The following ADAMTS1 variants were observed in gnomAD, a reference collection of about 807,000 sequenced individuals.
ADAMTS1 encodes the protein A disintegrin and metalloproteinase with thrombospondin motifs 1.
In ADAMTS1, 19 loss-of-function variants were observed where a neutral mutation model predicts 87.9. The ratio of observed to expected loss-of-function variants is 0.22; its 90% confidence interval spans 0.15 to 0.32. The LOEUF (loss-of-function observed/expected upper bound fraction) is 0.32, where lower values mean the gene tolerates loss of function less well. Among genes scored for constraint, ADAMTS1 ranks in the 10% least tolerant of loss-of-function variants. The probability of loss-of-function intolerance (pLI) is 1.00; values close to 1 mark genes in which losing one functional copy is unlikely to be tolerated. For synonymous variants in ADAMTS1, 542 were observed against 501.8 expected (o/e 1.08, Z -1.07); for missense variants, 1,240 against 1,259.1 (o/e 0.98, Z 0.23).
rs138109740 is a variant in ADAMTS1, at chr21:26,840,002, G to A, written c.1725C>T (p.Cys575=). The change falls in exon 6 of 9, where the codon TGC becomes TGT. Residue 575 remains cysteine (C), a synonymous_variant. Coordinates refer to ENST00000284984, the MANE Select transcript of ADAMTS1 (RefSeq NM_006988.5). Reference sequence around the variant, plus strand: ...TCATCGTGTACTGGACTCCTCCACCGCACGTTCTCGAACAGTCTCCCCAAG... The same window carrying A: ...TCATCGTGTACTGGACTCCTCCACCACACGTTCTCGAACAGTCTCCCCAAG... ...WGPWGDCSRT[C]GGGVQYTMRE... 2.9e-5 allele frequency: 46 copies of A among 1,613,764 alleles called. No individual in the cohort carries two copies. The highest frequency in any genetic ancestry group is 1.6e-4 in the Middle Eastern group (1 of 6,084).
At chr21:26,840,615 G>A in intron 4 of ADAMTS1, 53 bp from the exon 5 acceptor site, 2 of 1,553,578 alleles carry the variant, frequency 1.3e-6, no homozygotes, top group Non-Finnish European at 1.7e-6. Flanking sequence ...GGGCATGAAG[G>A]GGTAGATCCC....
rs771153194 is a variant in ADAMTS1 at position 26,840,498 on chromosome 21, C to T, written c.1443G>A (p.Ser481=). 68 of 1,614,070 alleles carry T rather than the reference C, an allele frequency of 4.2e-5. No homozygotes were observed. The highest frequency in any genetic ancestry group is 1.6e-4 in the Middle Eastern group (1 of 6,084). Residue 481 remains serine (S), a synonymous_variant, in exon 5 of 9, where the codon TCG becomes TCA. Coordinates refer to ENST00000284984, the MANE Select transcript of ADAMTS1 (RefSeq NM_006988.5). ...ACTGGCACTGCCGGTTGGCATCGTA[C>T]GAGGTGCCAGGGAGATCGCCTGGGA... is the stretch of plus-strand genomic sequence containing the variant. The part of the protein sequence containing the change: ...IQLPGDLPGT[S]YDANRQCQFT...
intron 3 of ADAMTS1, 36 bp downstream of exon 3, chr21:26,841,822 G>A: frequency 6.3e-7 from 1 of 1,594,984 alleles, no homozygotes; most frequent in Non-Finnish European, 8.5e-7. Flanking sequence ...TTACATTTCT[G>A]AATTGAGCTT....
At chr21:26,843,913 T>C in intron 1 of ADAMTS1, 1 of 503,162 alleles carries the variant, frequency 2.0e-6, no homozygotes, top group Non-Finnish European at 3.7e-6. Flanking sequence ...TCGCACAAGC[T>C]CCAACTCGCT....
Position 26,837,439 on chromosome 21 carries a change from C to A in ADAMTS1, c.*140G>T. 1 of 699,708 alleles carries A rather than the reference C, an allele frequency of 1.4e-6. No individual in the cohort carries two copies. Among genetic ancestry groups the A allele is most frequent in the South Asian group, 1.9e-5 (1 of 51,972 alleles). 43.3% of individuals were successfully genotyped at this position (699,708 alleles called of 1,614,324 possible). ...TCTGATGATTCAACTCCTTTTCTAT[C>A]TACCCCCATAATCCCACCTTACTGA... is the stretch of plus-strand genomic sequence containing the variant. On this transcript the variant is annotated 3_prime_UTR_variant, in exon 9 of 9. Coordinates refer to ENST00000284984, the MANE Select transcript of ADAMTS1 (RefSeq NM_006988.5).
chr21:26,837,627 C>T lies in ADAMTS1; in HGVS notation c.2856G>A (p.Lys952=). 1 of 1,614,198 alleles carries T rather than the reference C, an allele frequency of 6.2e-7. No individual in the cohort carries two copies. Among genetic ancestry groups the T allele is most frequent in the Non-Finnish European group, 8.5e-7 (1 of 1,180,034 alleles). The change falls in exon 9 of 9, where the codon AAG becomes AAA. Residue 952 remains lysine (K), a synonymous_variant. Coordinates refer to ENST00000284984, the MANE Select transcript of ADAMTS1 (RefSeq NM_006988.5). ...AAAAGTCTATGAAATGTTTAGGTTT[C>T]TTTAAAGGATCACAGCTCTCATGAG... is the stretch of plus-strand genomic sequence containing the variant. ...VLSHESCDPL[K]KPKHFIDFCT... is the part of the protein sequence containing the mutation.
At chr21:26,840,618 T>TA in intron 4 of ADAMTS1, 56 bp from the exon 5 acceptor site, 1 of 1,545,564 alleles carries the variant, frequency 6.5e-7, no homozygotes, top group Non-Finnish European at 8.8e-7. Flanking sequence ...CATGAAGGGG[T>TA]AGATCCCATT....
Position 26,845,243 on chromosome 21 carries a change from G to T in ADAMTS1, c.-289C>A. On this transcript the variant is annotated 5_prime_UTR_variant, in exon 1 of 9. Transcript: ENST00000284984. ...CTGCTGGGACAAGAAGCGCTCTGGG[G>T]CGCCTCCGGGGCTGAGGCAACGCGG... 1 of 342,004 alleles carries T rather than the reference G, an allele frequency of 2.9e-6. No individual in the cohort carries two copies. The highest frequency in any genetic ancestry group is 5.2e-6 in the Non-Finnish European group (1 of 190,774). 21.2% of individuals were successfully genotyped at this position (342,004 alleles called of 1,614,324 possible). A position where few individuals can be genotyped will look rare whatever the true frequency, so the allele number is the denominator to read the frequency against.
rs1985505900 is a variant in ADAMTS1, at chr21:26,842,078, G to A, written c.1078-88C>T. ...TTTGGCAGGGTGTGCCTTCACATATGCTTTGGAGCATCTACATTCATTATT... is the reference window on the plus strand; with the variant it reads ...TTTGGCAGGGTGTGCCTTCACATATACTTTGGAGCATCTACATTCATTATT... On this transcript the variant is annotated intron_variant, in intron 2 of 8. Transcript: ENST00000284984. 2.1e-6 allele frequency: 3 copies of A among 1,416,110 alleles called. No individual in the cohort carries two copies. The Admixed American group carries it at 7.0e-5, about 33-fold the overall frequency. 87.7% of individuals were successfully genotyped at this position (1,416,110 alleles called of 1,614,324 possible).
chr21:26,841,010 C>T lies in ADAMTS1; in HGVS notation c.1366G>A (p.Asp456Asn), dbSNP rs764127824. 6.2e-7 allele frequency: 1 copy of T among 1,613,968 alleles called. No homozygotes were observed. The highest frequency in any genetic ancestry group is 8.5e-7 in the Non-Finnish European group (1 of 1,179,866). Residue 456 changes from aspartate to asparagine, a missense_variant, in exon 4 of 9, where the codon GAT becomes AAT. By Grantham distance (23) the Asp-to-Asn change is conservative. This residue lies in a region of ADAMTS1 where 317 missense variants were observed against 410.3 expected (regional missense o/e 0.77). Coordinates refer to ENST00000284984, the MANE Select transcript of ADAMTS1 (RefSeq NM_006988.5). ...TGGAATATCTCACCATGACCATTAT[C>T]CAGAAATGATGTAATCATGTAGGCA... ...CSAYMITSFL[D>N]NGHGECLMDK...
chr21:26,842,251 C>T, intron 2 of ADAMTS1, 88 bp downstream of exon 2: 1 of 1,320,330 alleles, frequency 7.6e-7, no homozygotes, highest in Non-Finnish European at 1.0e-6. Flanking sequence ...ACTGCAAAAA[C>T]ACTGGTGAAA....
At position 26,845,006 on chromosome 21, in the gene ADAMTS1, A is replaced by G; in HGVS notation, c.-52T>C. 1 of 1,476,418 alleles carries G rather than the reference A, an allele frequency of 6.8e-7. No homozygotes were observed. Among genetic ancestry groups the G allele is most frequent in the Non-Finnish European group, 8.9e-7 (1 of 1,118,638 alleles). The allele number at this position is 1,476,418 out of a possible 1,614,324, so 91.5% of individuals were successfully genotyped here. A position where few individuals can be genotyped will look rare whatever the true frequency, so the allele number is the denominator to read the frequency against. ...GCAGCGCACGGAGCGAGGGACCTTT[A>G]GTTCGGGTCGGGAGAGCAAAGCCTC... On this transcript the variant is annotated 5_prime_UTR_variant, in exon 1 of 9. Transcript: ENST00000284984.
intron 2 of ADAMTS1, 121 bp from the exon 3 acceptor site, chr21:26,842,111 TAAG>T (rs1985506508): frequency 1.7e-6 from 2 of 1,209,108 alleles, no homozygotes; most frequent in Admixed American, 2.8e-5. Context: ...ATTGTTGACA[TAAG>T]AAGACTTCAT....
In ADAMTS1 at chr21:26,839,698, A is replaced by C; in HGVS notation, c.1917T>G (p.Ser639Arg). ...TGGGAATCCATTCCACCGCAGGCCC[A>C]CTCCCAAAGGAAGCTTTTGAAAACT... ...HNEFSKASFG[S>R]GPAVEWIPKY... is the part of the protein sequence containing the mutation. The change falls in exon 7 of 9, where the codon AGT becomes AGG. Residue 639 changes from serine to arginine, a missense_variant. Around this residue, in one of 3 missense-constraint regions of ADAMTS1, gnomAD observed 402 missense variants for 399.1 expected, o/e 1.01. Coordinates refer to ENST00000284984, the MANE Select transcript of ADAMTS1 (RefSeq NM_006988.5). 1.2e-6 allele frequency: 2 copies of C among 1,613,566 alleles called. No individual in the cohort carries two copies. Among genetic ancestry groups the C allele is most frequent in the South Asian group, 1.1e-5 (1 of 91,060 alleles).
In ADAMTS1 at chr21:26,840,520, G is replaced by A. The variant is rs1326440179; in HGVS notation, c.1421C>T (p.Pro474Leu). The A allele has an allele frequency of 1.2e-6, 2 of 1,614,130 alleles. No individual in the cohort carries two copies. Among genetic ancestry groups the A allele is most frequent in the Non-Finnish European group, 8.5e-7 (1 of 1,180,054 alleles). Residue 474 changes from proline (P) to leucine (L), a missense_variant, in exon 5 of 9, where the codon CCA becomes CTA. By Grantham distance (98) the Pro-to-Leu change is moderately conservative (BLOSUM62 -3). This residue lies in a region of ADAMTS1 where 317 missense variants were observed against 410.3 expected (regional missense o/e 0.77). Coordinates refer to ENST00000284984, the MANE Select transcript of ADAMTS1 (RefSeq NM_006988.5). ...MDKPQNPIQL[P>L]GDLPGTSYDA... is the part of the protein sequence containing the mutation. Reference sequence around the variant, plus strand: ...GTACGAGGTGCCAGGGAGATCGCCTGGGAGCTGTATGGGATTCTGAGGCTT... The same window carrying A: ...GTACGAGGTGCCAGGGAGATCGCCTAGGAGCTGTATGGGATTCTGAGGCTT...
intron 7 of ADAMTS1, 191 bp from the exon 8 acceptor site, chr21:26,838,805 G>T (rs969338559): frequency 7.8e-6 from 4 of 514,176 alleles, no homozygotes; most frequent in Non-Finnish European, 1.3e-5. Context: ...GACATCTGAA[G>T]AAATTAGATA....
rs546720072 is a variant in ADAMTS1 at position 26,844,762 on chromosome 21, G to A, written c.193C>T (p.Leu65=). The A allele has an allele frequency of 6.4e-7, 1 of 1,553,338 alleles. No individual in the cohort carries two copies. Among genetic ancestry groups the A allele is most frequent in the Non-Finnish European group, 8.7e-7 (1 of 1,146,002 alleles). The part of the protein sequence containing the change: ...EEDEELVVPE[L]ERAPGHGTTR... ...GTCCCGTGTCCCGGGGCGCGCTCCA[G>A]CTCCGGCACCACTAGCTCCTCGTCC... The change falls in exon 1 of 9, where the codon CTG becomes TTG. Residue 65 remains leucine, a synonymous_variant. Coordinates refer to ENST00000284984, the MANE Select transcript of ADAMTS1 (RefSeq NM_006988.5).
At position 26,839,348 on chromosome 21, in the gene ADAMTS1, TAA is replaced by T. The variant is rs1985442276; in HGVS notation, c.2028+237_2028+238del. ...TGTCCAAAAAGCTTTTCTTTGCATA[TAA>T]AAGAGTAATAGCGAGCAATTGCAAG... On this transcript the variant is annotated intron_variant, in intron 7 of 8. Transcript: ENST00000284984. The T allele has an allele frequency of 1.0e-5, 4 of 386,610 alleles. No homozygotes were observed. The South Asian group carries it at 1.8e-4, about 17-fold the overall frequency. The allele number at this position is 386,610 out of a possible 1,614,324, so 23.9% of individuals were successfully genotyped here. A position where few individuals can be genotyped will look rare whatever the true frequency, so the allele number is the denominator to read the frequency against.
chr21:26,843,980 T>C (rs428616), intron 1 of ADAMTS1, among the ~76,000 whole-genome samples: 117,485 of 152,220 alleles, frequency 0.77, 46,337 homozygotes, highest in African/African-American at 0.89. Context: ...TGCTTTGCTT[T>C]AGTTTGCAGA....
Sources: gnomAD v4.1 joint callset for allele counts (sites outside exome capture counted in the v4.1 genomes callset) on GRCh38, gnomAD v4.1.1 for gene constraint, gnomAD v4.1.1 regional missense constraint, MANE v1.5 for transcripts, NCBI Gene and HGNC (gene_info 2026-07-23, HGNC 2026-07-21) for gene names.